Variants in CELF5 observed in about 807,000 individuals in gnomAD.
The protein encoded by CELF5 is CUG-BP and ETR-3 like factor 5.
CELF5 carries 6 observed loss-of-function variants against 54.9 expected under a neutral mutation model. The ratio of observed to expected loss-of-function variants is 0.11; its 90% CI spans 0.06 to 0.22. CELF5 has a LOEUF of 0.22. CELF5 is among the 10% of genes least tolerant of loss of function. CELF5 has a pLI of 1.00. For missense variants in CELF5, 401 were observed against 678.6 expected, an observed-to-expected ratio of 0.59 and a Z score of 4.54; for synonymous variants, 271 against 290.9, an observed-to-expected ratio of 0.93 and a Z score of 0.70.
intron 10 of CELF5, among the ~76,000 whole-genome samples, chr19:3,289,377 G>A (rs1427854202): frequency 1.3e-5 from 2 of 152,048 alleles, no homozygotes; most frequent in East Asian, 3.9e-4. Context: ...GCAACATAGC[G>A]AAACCTCTAC....
intron 1 of CELF5, among the ~76,000 whole-genome samples, chr19:3,235,372 T>G (rs556738442): frequency 1.3e-5 from 2 of 152,040 alleles, no homozygotes; most frequent in South Asian, 4.2e-4. Context: ...GCTTTTAATT[T>G]TATTTGCTTT....
At position 3,228,597 on chromosome 19, in the gene CELF5, G is replaced by T. The variant is rs905435323; in HGVS notation, c.259+3599G>T. Among the ~76,000 whole-genome samples the T allele has an allele frequency of 2.2e-4, 33 of 151,852 alleles. No homozygotes were observed. Among genetic ancestry groups the T allele is most frequent in the African/African-American group, 7.5e-4 (31 of 41,424 alleles). On this transcript the variant is annotated intron_variant, in intron 1 of 12. Transcript: ENST00000292672. The surrounding 1 kb of genome is among the most constrained non-coding windows in gnomAD (Gnocchi z 6.0). Reference sequence around the variant, plus strand: ...ATATTTGTCTTAAAGCGGAGGTTGCGCTGGGGGACGGTGCAGGTGGGGGGG... The same window carrying T: ...ATATTTGTCTTAAAGCGGAGGTTGCTCTGGGGGACGGTGCAGGTGGGGGGG...
At chr19:3,231,113 T>C (rs1411742278) in intron 1 of CELF5, among the ~76,000 whole-genome samples, 1 of 152,188 alleles carries the variant, frequency 6.6e-6, no homozygotes, top group Non-Finnish European at 1.5e-5. Context: ...GCTGTTAGGT[T>C]TGGAAGACAC....
rs547120565 is a variant in CELF5, at chr19:3,228,596, C to T, written c.259+3598C>T. 4.4e-5 allele frequency among the ~76,000 whole-genome samples: 6 copies of T among 137,004 alleles called. No homozygotes were observed. Among genetic ancestry groups the T allele is most frequent in the East Asian group, 2.4e-4 (1 of 4,210 alleles). 89.9% of individuals were successfully genotyped at this position (137,004 alleles called of 152,430 possible). On this transcript the variant is annotated intron_variant, in intron 1 of 12. Coordinates refer to ENST00000292672, the MANE Select transcript of CELF5 (RefSeq NM_021938.4). The surrounding 1 kb of genome is among the most constrained non-coding windows in gnomAD (Gnocchi z 6.0). ...AATATTTGTCTTAAAGCGGAGGTTG[C>T]GCTGGGGGACGGTGCAGGTGGGGGG...
intron 9 of CELF5, among the ~76,000 whole-genome samples, chr19:3,285,340 C>T (rs1358555526): frequency 9.9e-5 from 15 of 151,558 alleles, no homozygotes; most frequent in Admixed American, 7.9e-4. Context: ...CTCCTAGCCC[C>T]GCCCCTCACT....
Position 3,284,905 on chromosome 19 carries a change from A to T in CELF5, c.1043A>T (p.Gln348Leu). 6.2e-7 allele frequency: 1 copy of T among 1,612,556 alleles called. No homozygotes were observed. Among genetic ancestry groups the T allele is most frequent in the Non-Finnish European group, 8.5e-7 (1 of 1,179,390 alleles). ...YANGLVPYPA[Q>L]SPTVAETLHP... ...CAGCCCCTCTGTCTGCCCGCAGCTC[A>T]GAGCCCGACTGTGGCCGAGACACTG... Residue 348 changes from glutamine to leucine, a missense_variant, in exon 9 of 13, where the codon CAG becomes CTG. By Grantham distance (113) the Gln-to-Leu change is moderately radical. Coordinates refer to ENST00000292672, the MANE Select transcript of CELF5 (RefSeq NM_021938.4).
rs957248020 is a variant in CELF5, at chr19:3,275,563, G to T, written c.395-293G>T. ...GAAAGGTCATCTCCGCCTGGAGGGG[G>T]AGCAGTGGAGCAGAGACCCCAAAAG... On this transcript the variant is annotated intron_variant, in intron 3 of 12. Transcript: ENST00000292672. The surrounding 1 kb of genome is among the most constrained non-coding windows in gnomAD (Gnocchi z 6.7). 6.6e-6 allele frequency among the ~76,000 whole-genome samples: 1 copy of T among 152,238 alleles called. No individual in the cohort carries two copies. The highest frequency in any genetic ancestry group is 2.4e-5 in the African/African-American group (1 of 41,462).
At chr19:3,296,228 A>C (rs1266706944) in intron 12 of CELF5, 1 of 151,440 alleles carries the variant, frequency 6.6e-6, no homozygotes, top group South Asian at 2.1e-4. Flanking sequence ...CGCGACACCC[A>C]CGTCAAAGCA....
intron 1 of CELF5, among the ~76,000 whole-genome samples, chr19:3,243,469 A>T (rs946694779): frequency 1.3e-5 from 2 of 152,048 alleles, no homozygotes; most frequent in Admixed American, 1.3e-4. Flanking sequence ...ATTTGCAGAG[A>T]TGGAATTTGA....
chr19:3,293,498 G>C lies in CELF5; in HGVS notation c.*40+12G>C. The C allele has an allele frequency of 6.3e-7, 1 of 1,597,018 alleles. No homozygotes were observed. The highest frequency in any genetic ancestry group is 8.5e-7 in the Non-Finnish European group (1 of 1,169,996). On this transcript the variant is annotated intron_variant, in intron 12 of 12. Coordinates refer to ENST00000292672, the MANE Select transcript of CELF5 (RefSeq NM_021938.4). Reference sequence around the variant, plus strand: ...TAGGCATGGCCCAGGTGAGCCGCCAGGCGGCCCCACCCCCGCCCAAGCCCC... The same window carrying C: ...TAGGCATGGCCCAGGTGAGCCGCCACGCGGCCCCACCCCCGCCCAAGCCCC...
intron 1 of CELF5, among the ~76,000 whole-genome samples, chr19:3,241,219 G>A (rs796665950): frequency 7.3e-5 from 11 of 151,466 alleles, no homozygotes; most frequent in South Asian, 2.1e-4. Context: ...GAACCACCAC[G>A]CACAAGCCAC....
intron 1 of CELF5, among the ~76,000 whole-genome samples, chr19:3,250,546 C>A (rs957408283): frequency 6.6e-6 from 1 of 152,122 alleles, no homozygotes; most frequent in Non-Finnish European, 1.5e-5. Flanking sequence ...CATATTCACA[C>A]GGTTGTGCAA....
Position 3,228,684 on chromosome 19 carries a change from G to A in CELF5, c.259+3686G>A, listed in dbSNP as rs1243802690. Among the ~76,000 whole-genome samples the A allele has an allele frequency of 6.6e-6, 1 of 150,454 alleles. No individual in the cohort carries two copies. The highest frequency in any genetic ancestry group is 1.5e-5 in the Non-Finnish European group (1 of 67,328). On this transcript the variant is annotated intron_variant, in intron 1 of 12. Coordinates refer to ENST00000292672, the MANE Select transcript of CELF5 (RefSeq NM_021938.4). The surrounding 1 kb of genome is among the most constrained non-coding windows in gnomAD (Gnocchi z 6.0). Reference sequence around the variant, plus strand: ...CCATGGGAGCACCAGCTGCCGGCTCGACTCGGGAGGGGGGGAGGAGGAGGC... The same window carrying A: ...CCATGGGAGCACCAGCTGCCGGCTCAACTCGGGAGGGGGGGAGGAGGAGGC...
At chr19:3,251,498 G>A (rs1460394843) in intron 2 of CELF5, among the ~76,000 whole-genome samples, 1 of 152,082 alleles carries the variant, frequency 6.6e-6, no homozygotes, top group Non-Finnish European at 1.5e-5. Context: ...AAGGCGGGAA[G>A]GGCAGGGGAG....
chr19:3,261,658 A>G (rs893744776), intron 2 of CELF5, among the ~76,000 whole-genome samples: 1 of 151,432 alleles, frequency 6.6e-6, no homozygotes, highest in Non-Finnish European at 1.5e-5. Context: ...CATCTCTACA[A>G]AAAATTTTAA....
At position 3,275,743 on chromosome 19, in the gene CELF5, C is replaced by A; in HGVS notation, c.395-113C>A. 1 of 1,188,322 alleles carries A rather than the reference C, an allele frequency of 8.4e-7. No homozygotes were observed. The highest frequency in any genetic ancestry group is 1.1e-6 in the Non-Finnish European group (1 of 874,870). The allele number at this position is 1,188,322 out of a possible 1,614,324, so 73.6% of individuals were successfully genotyped here. On this transcript the variant is annotated intron_variant, in intron 3 of 12. Transcript: ENST00000292672. This position sits in a 1 kb window ranked among gnomAD's most constrained non-coding sequence, Gnocchi z 6.7. ...GCGCAGAACCGGAGCCGGCAGGGCC[C>A]GGGCGCCGCGTCTTCCTGCCCTGCC...
At chr19:3,294,768 A>C (rs924741143) in intron 12 of CELF5, 11 of 152,198 alleles carry the variant, frequency 7.2e-5, no homozygotes, top group Non-Finnish European at 1.6e-4. Flanking sequence ...CTTAGATGGC[A>C]GGGGGTAGGG....
chr19:3,231,498 ATGAATGGATTTATGGATGGATGGG>A (rs1917256468), intron 1 of CELF5, among the ~76,000 whole-genome samples: 2 of 145,092 alleles, frequency 1.4e-5, no homozygotes, highest in Non-Finnish European at 3.0e-5. Flanking sequence ...GGATGGGTGG[ATGAATGGATTTATGGATGGATGGG>A]TGGATGAGTA....
In CELF5 at chr19:3,281,807, T is replaced by G. The variant is rs2080156609; in HGVS notation, c.751-319T>G. Among the ~76,000 whole-genome samples, 1 of 151,610 alleles carries G rather than the reference T, an allele frequency of 6.6e-6. No individual in the cohort carries two copies. Among genetic ancestry groups the G allele is most frequent in the South Asian group, 2.1e-4 (1 of 4,790 alleles). On this transcript the variant is annotated intron_variant, in intron 6 of 12. Coordinates refer to ENST00000292672, the MANE Select transcript of CELF5 (RefSeq NM_021938.4). The surrounding 1 kb of genome is among the most constrained non-coding windows in gnomAD (Gnocchi z 6.5). ...TGAGCCTCACTTCCTAACCGAGCCTTGATCCTAGATTGAGCCTTAGTCCCA... is the reference window on the plus strand; with the variant it reads ...TGAGCCTCACTTCCTAACCGAGCCTGGATCCTAGATTGAGCCTTAGTCCCA...
Sources: gnomAD v4.1 joint callset for allele counts (sites outside exome capture counted in the v4.1 genomes callset) on GRCh38, gnomAD v4.1.1 for gene constraint, Gnocchi (gnomAD v3.1) non-coding constraint, MANE v1.5 for transcripts, NCBI Gene and HGNC (gene_info 2026-07-23, HGNC 2026-07-21) for gene names.